The following SRP68 variants were observed in gnomAD, a reference collection of about 807,000 sequenced individuals.
The protein encoded by SRP68 is signal recognition particle subunit SRP68.
A neutral mutation model predicts 82.2 loss-of-function variants in SRP68; 15 were observed. The observed-to-expected ratio is 0.18, with a 90% CI of 0.12 to 0.28. SRP68 has a LOEUF of 0.28. Among genes scored for constraint, SRP68 ranks in the 10% least tolerant of loss-of-function variants. The probability of loss-of-function intolerance (pLI) is 1.00; values close to 1 mark genes in which losing one functional copy is unlikely to be tolerated. For missense variants in SRP68, 595 were observed against 780.5 expected (o/e 0.76, Z 2.83); for synonymous variants, 261 against 292.6 (o/e 0.89, Z 1.10).
At chr17:76,070,850 G>GCACACACA (rs71891783) in intron 1 of SRP68, among the ~76,000 whole-genome samples, 9,724 of 146,802 alleles carry the variant, frequency 0.066, 430 homozygotes, top group Admixed American at 0.12. Flanking sequence ...ACATGCACAT[G>GCACACACA]CACACACACA....
chr17:76,064,504 T>A (rs2066792037), intron 3 of SRP68, among the ~76,000 whole-genome samples: 1 of 152,110 alleles, frequency 6.6e-6, no homozygotes, highest in African/African-American at 2.4e-5. Flanking sequence ...CATTTTTGAA[T>A]CAACACTTCC....
At chr17:76,053,245 G>T (rs192181636) in intron 8 of SRP68, among the ~76,000 whole-genome samples, 2 of 136,888 alleles carry the variant, frequency 1.5e-5, no homozygotes, top group African/African-American at 5.6e-5. Flanking sequence ...TGGCCTGGGT[G>T]ACAGGGTGAG....
chr17:76,045,516 C>A, intron 11 of SRP68, 130 bp from the exon 12 acceptor site: 1 of 654,604 alleles, frequency 1.5e-6, no homozygotes, highest in Non-Finnish European at 2.6e-6. Context: ...TGGGGAAAAG[C>A]CTGTGAAGAG....
rs775128165 is a variant in SRP68, at chr17:76,072,432, ACCGCCGCCGCCACTGCCGCCGCCG to A, written c.36_59del (p.Gly14_Gly21del). On this transcript the variant is annotated inframe_deletion, in exon 1 of 16. Transcript: ENST00000307877. The surrounding 1 kb of genome is among the most constrained non-coding windows in gnomAD (Gnocchi z 4.5). ...CGCCGCTACCGCCGCCGCCACTGCC[ACCGCCGCCGCCACTGCCGCCGCCG>A]CCGCCGCCGCCTGGGACCTGCTTCT... The A allele has an allele frequency of 3.3e-5, 52 of 1,585,484 alleles. No homozygotes were observed. The highest frequency in any genetic ancestry group is 3.7e-4 in the Middle Eastern group (2 of 5,348).
intron 2 of SRP68, among the ~76,000 whole-genome samples, chr17:76,067,851 A>G (rs1015089323): frequency 2.0e-5 from 3 of 152,256 alleles, no homozygotes; most frequent in African/African-American, 7.2e-5. Flanking sequence ...CACAGTGCCC[A>G]TGTTCAAGGA....
chr17:76,057,114 G>A (rs1266532739), intron 8 of SRP68, among the ~76,000 whole-genome samples: 1 of 152,170 alleles, frequency 6.6e-6, no homozygotes, highest in African/African-American at 2.4e-5. Flanking sequence ...ACCACCTGCT[G>A]GGCCAAATGT....
At chr17:76,062,013 G>A (rs978557276) in intron 4 of SRP68, among the ~76,000 whole-genome samples, 3 of 151,874 alleles carry the variant, frequency 2.0e-5, no homozygotes, top group Non-Finnish European at 4.4e-5. Flanking sequence ...GTGGCCAGGC[G>A]CAGTGGCTCA....
intron 8 of SRP68, among the ~76,000 whole-genome samples, chr17:76,055,869 G>A (rs1423480208): frequency 1.5e-5 from 2 of 135,258 alleles, no homozygotes; most frequent in Non-Finnish European, 3.0e-5. Context: ...GCATAGTGGT[G>A]TGATTTCAGC....
chr17:76,040,692 G>T, intron 14 of SRP68: 1 of 655,546 alleles, frequency 1.5e-6, no homozygotes, highest in Non-Finnish European at 2.7e-6. Context: ...GTTGCATGAG[G>T]ACAGTAACAG....
rs748818151 is a variant in SRP68 at position 76,061,225 on chromosome 17, A to C, written c.645-6T>G. The C allele has an allele frequency of 5.7e-6, 9 of 1,592,736 alleles. No individual in the cohort carries two copies. In the African/African-American group the frequency reaches 6.7e-5, roughly 12 times the overall value. ...CTAGCTTCTCATAGATAGTTCTGCG[A>C]GAAAAGAAAAGCCAGGTTTTACATC... On this transcript the variant is annotated splice_polypyrimidine_tract_variant and splice_region_variant and intron_variant, in intron 5 of 15. Transcript: ENST00000307877.
chr17:76,056,353 A>T (rs1018706251), intron 8 of SRP68, among the ~76,000 whole-genome samples: 5 of 152,190 alleles, frequency 3.3e-5, no homozygotes, highest in Admixed American at 6.5e-5. Context: ...TAACCCAATC[A>T]CATAATCTGA....
Position 76,072,501 on chromosome 17 carries a change from G to A in SRP68, c.-10C>T. The A allele has an allele frequency of 6.3e-7, 1 of 1,580,992 alleles. No individual in the cohort carries two copies. Among genetic ancestry groups the A allele is most frequent in the Non-Finnish European group, 8.5e-7 (1 of 1,172,586 alleles). ...GCTTCTCAGCAGCCATCTTGCCCCT[G>A]CGCCGCAGAGCAAGACGGGATAGGG... On this transcript the variant is annotated 5_prime_UTR_variant, in exon 1 of 16. Coordinates refer to ENST00000307877, the MANE Select transcript of SRP68 (RefSeq NM_014230.4). The surrounding 1 kb of genome is among the most constrained non-coding windows in gnomAD (Gnocchi z 4.5).
At chr17:76,055,076 C>A (rs1056820847) in intron 8 of SRP68, among the ~76,000 whole-genome samples, 2 of 151,648 alleles carry the variant, frequency 1.3e-5, no homozygotes, top group Middle Eastern at 3.2e-3. Flanking sequence ...CCTGCCTCAG[C>A]CTCCCGAGTA....
intron 4 of SRP68, among the ~76,000 whole-genome samples, chr17:76,063,419 C>T (rs1274925588): frequency 6.6e-6 from 1 of 152,150 alleles, no homozygotes; most frequent in African/African-American, 2.4e-5. Flanking sequence ...CGTGCAGTGG[C>T]TCACGCTTGC....
At chr17:76,061,981 A>T (rs2066755562) in intron 4 of SRP68, among the ~76,000 whole-genome samples, 1 of 150,806 alleles carries the variant, frequency 6.6e-6, no homozygotes, top group African/African-American at 2.4e-5. Context: ...TCTACCAAAA[A>T]TTAAAAAAAA....
At chr17:76,055,349 T>C (rs532376716) in intron 8 of SRP68, among the ~76,000 whole-genome samples, 2 of 152,264 alleles carry the variant, frequency 1.3e-5, no homozygotes, top group South Asian at 4.2e-4. Flanking sequence ...TAAGTTCTTC[T>C]ATGGTGATTT....
At chr17:76,041,537 T>C in intron 13 of SRP68, 1 of 152,334 alleles carries the variant, frequency 6.6e-6, no homozygotes, top group East Asian at 1.9e-4. Flanking sequence ...TGCCACAGAA[T>C]CCTTCATGCC....
chr17:76,045,531 G>A (rs181228487), intron 11 of SRP68, 145 bp from the exon 12 acceptor site: 8 of 622,436 alleles, frequency 1.3e-5, no homozygotes, highest in African/African-American at 1.1e-4. Context: ...GAAGAGATTG[G>A]GCAGCAGCCA....
intron 2 of SRP68, among the ~76,000 whole-genome samples, 156 bp downstream of exon 2, chr17:76,070,222 C>CAAAAAAAAAAA (rs386386662): frequency 2.1e-5 from 2 of 95,486 alleles, no homozygotes; most frequent in African/African-American, 8.1e-5. Flanking sequence ...GACTCCATCT[C>CAAAAAAAAAAA]AAAAAAAAAA....
Sources: gnomAD v4.1 joint callset for allele counts (sites outside exome capture counted in the v4.1 genomes callset) on GRCh38, gnomAD v4.1.1 for gene constraint, Gnocchi (gnomAD v3.1) non-coding constraint, MANE v1.5 for transcripts, NCBI Gene and HGNC (gene_info 2026-07-23, HGNC 2026-07-21) for gene names.